The following RABGAP1 variants were observed in gnomAD, a reference collection of about 807,000 sequenced individuals.
RABGAP1 encodes the protein RAB GTPase activating protein 1, also known as rab GTPase-activating protein 1.
Under a neutral mutation model 137.6 loss-of-function variants are expected in RABGAP1, and 23 were observed. The observed-to-expected ratio is 0.17, with a 90% CI of 0.12 to 0.24. The LOEUF is 0.24. Among genes scored for constraint, RABGAP1 ranks in the 10% least tolerant of loss-of-function variants. The probability of loss-of-function intolerance (pLI) is 1.00; values close to 1 mark genes in which losing one functional copy is unlikely to be tolerated. For synonymous variants in RABGAP1, 451 were observed against 450.7 expected (o/e 1.00, Z -0.01); for missense variants, 906 against 1,275.8 (o/e 0.71, Z 4.42).
chr9:123,076,155 A>T, intron 17 of RABGAP1, 90 bp from the exon 18 acceptor site: 2 of 1,348,390 alleles, frequency 1.5e-6, no homozygotes, highest in Non-Finnish European at 2.1e-6. Flanking sequence ...AGTTTTCACA[A>T]TTTCTTTAAA....
rs1251959153 is a variant in RABGAP1, at chr9:122,989,487, A to T, written c.765+16A>T. The T allele has an allele frequency of 6.2e-7, 1 of 1,612,506 alleles. No individual in the cohort carries two copies. Among genetic ancestry groups the T allele is most frequent in the Non-Finnish European group, 8.5e-7 (1 of 1,179,294 alleles). ...ACAAGAAGCTGTAAGTCCTCAAGAG[A>T]AAACTCTCTGCAAATGAAACTTCAC... On this transcript the variant is annotated intron_variant, in intron 5 of 25. Transcript: ENST00000373647.
chr9:122,972,423 T>C (rs1264429217), intron 2 of RABGAP1, among the ~76,000 whole-genome samples: 1 of 152,168 alleles, frequency 6.6e-6, no homozygotes, highest in Admixed American at 6.5e-5. Flanking sequence ...GGGACTGGAC[T>C]TGAGTAGGAT....
intron 14 of RABGAP1, 61 bp downstream of exon 14, chr9:123,065,522 C>T: frequency 8.5e-7 from 1 of 1,179,178 alleles, no homozygotes; most frequent in Non-Finnish European, 1.3e-6. Flanking sequence ...TTTGAAATTA[C>T]ATAAGAAACA....
intron 19 of RABGAP1, among the ~76,000 whole-genome samples, chr9:123,080,465 A>G (rs2034672029): frequency 6.6e-6 from 1 of 152,224 alleles, no homozygotes; most frequent in East Asian, 1.9e-4. Flanking sequence ...TGGTATGTAC[A>G]GTTTAGTTAG....
At chr9:122,974,495 A>G (rs528646035) in intron 2 of RABGAP1, among the ~76,000 whole-genome samples, 1 of 149,790 alleles carries the variant, frequency 6.7e-6, no homozygotes, top group South Asian at 2.1e-4. Context: ...AGAAGTAACT[A>G]AAACCCAGCC....
At chr9:122,961,729 G>A (rs556060160) in intron 2 of RABGAP1, among the ~76,000 whole-genome samples, 2 of 152,232 alleles carry the variant, frequency 1.3e-5, no homozygotes, top group Admixed American at 1.3e-4. Context: ...AACTGTTTAA[G>A]CTGTATCCCA....
intron 11 of RABGAP1, 78 bp downstream of exon 11, chr9:123,010,606 A>G: frequency 7.5e-7 from 1 of 1,329,830 alleles, no homozygotes; most frequent in Non-Finnish European, 1.0e-6. Flanking sequence ...CAGGGGATTG[A>G]TAATGTGATA....
At chr9:122,948,042 A>AAACAC (rs1444013217) in intron 1 of RABGAP1, among the ~76,000 whole-genome samples, 5 of 145,958 alleles carry the variant, frequency 3.4e-5, no homozygotes, top group African/African-American at 1.3e-4. Flanking sequence ...GAGCCAGGAA[A>AAACAC]ACACACACAC....
rs1363428357 is a variant in RABGAP1, at chr9:123,073,778, G to A, written c.2109+101G>A. On this transcript the variant is annotated intron_variant, in intron 16 of 25. Transcript: ENST00000373647. ...AGGGAGCATTGGTAATTGCCTTAGC[G>A]ATCCGTGGCTAAGGATGGGTTTCAT... The A allele has an allele frequency of 1.2e-5, 17 of 1,452,084 alleles. No individual in the cohort carries two copies. In the Admixed American group the frequency reaches 2.1e-4, roughly 18 times the overall value. The allele number at this position is 1,452,084 out of a possible 1,614,324, so 89.9% of individuals were successfully genotyped here.
chr9:122,985,611 C>CAAA lies in RABGAP1; in HGVS notation c.386-585_386-583dup, dbSNP rs34147826. Among the ~76,000 whole-genome samples the CAAA allele has an allele frequency of 4.5e-3, 401 of 89,616 alleles. 11 individuals carry two copies. The East Asian group carries it at 0.061, about 14-fold the overall frequency. 58.8% of individuals were successfully genotyped at this position (89,616 alleles called of 152,430 possible). On this transcript the variant is annotated intron_variant, in intron 3 of 25. Transcript: ENST00000373647. ...CTGGCGACAGAGCGAGACTCCGTCT[C>CAAA]AAAAAAAAAAAAAAAAAAAAAGATG...
At position 122,986,991 on chromosome 9, in the gene RABGAP1, G is replaced by A. The variant is rs866024461; in HGVS notation, c.590+572G>A. 1.1e-4 allele frequency among the ~76,000 whole-genome samples: 17 copies of A among 152,092 alleles called. No individual in the cohort carries two copies. The Middle Eastern group carries it at 0.01, about 91-fold the overall frequency. The stretch of plus-strand genomic sequence containing the variant: ...GTCTGTACAAAACATACAAAAATTA[G>A]CCACGCATGGTCATACACACCTATA... On this transcript the variant is annotated intron_variant, in intron 4 of 25. Transcript: ENST00000373647.
At chr9:123,006,539 G>T (rs1006211638) in intron 10 of RABGAP1, among the ~76,000 whole-genome samples, 1 of 152,046 alleles carries the variant, frequency 6.6e-6, no homozygotes, top group Admixed American at 6.6e-5. Context: ...CCTCTTTCTG[G>T]TATTTATATT....
At chr9:122,960,281 A>G (rs1834781652) in intron 2 of RABGAP1, among the ~76,000 whole-genome samples, 1 of 152,202 alleles carries the variant, frequency 6.6e-6, no homozygotes, top group Admixed American at 6.5e-5. Flanking sequence ...TAGACTATGG[A>G]ACAGTTTATA....
intron 19 of RABGAP1, among the ~76,000 whole-genome samples, chr9:123,086,329 C>G (rs190428585): frequency 6.6e-6 from 1 of 152,328 alleles, no homozygotes; most frequent in African/African-American, 2.4e-5. Flanking sequence ...AGAGTCCTTT[C>G]TCAGTAATTC....
At chr9:123,027,108 C>CT (rs71388345) in intron 13 of RABGAP1, among the ~76,000 whole-genome samples, 1,308 of 100,050 alleles carry the variant, frequency 0.013, 31 homozygotes, top group African/African-American at 0.037. Context: ...TCTTTCTTTT[C>CT]TTTTTTTTTT....
At chr9:123,000,779 G>T (rs1338887611) in intron 10 of RABGAP1, among the ~76,000 whole-genome samples, 2 of 151,916 alleles carry the variant, frequency 1.3e-5, no homozygotes, top group Non-Finnish European at 2.9e-5. Flanking sequence ...CTCCCAAAGT[G>T]CTGGGATTAT....
chr9:122,999,752 C>T (rs1216667628), intron 10 of RABGAP1, among the ~76,000 whole-genome samples: 1 of 150,814 alleles, frequency 6.6e-6, no homozygotes, highest in African/African-American at 2.4e-5. Flanking sequence ...GAAATCTGGC[C>T]CATTATTTCT....
intron 19 of RABGAP1, among the ~76,000 whole-genome samples, chr9:123,085,910 A>G (rs978981208): frequency 6.6e-6 from 1 of 152,142 alleles, no homozygotes; most frequent in African/African-American, 2.4e-5. Context: ...TATTAAGGTA[A>G]AAAGGAAGCC....
intron 21 of RABGAP1, 85 bp from the exon 22 acceptor site, chr9:123,097,656 T>C (rs2035223264): frequency 1.7e-6 from 2 of 1,154,988 alleles, no homozygotes; most frequent in Non-Finnish European, 2.5e-6. Flanking sequence ...TTCCCCATCA[T>C]CTTAAAATGG....
Sources: allele counts gnomAD v4.1 joint callset (sites outside exome capture counted in the v4.1 genomes callset), GRCh38; gene constraint gnomAD v4.1.1; transcripts MANE v1.5; gene names NCBI Gene and HGNC (gene_info 2026-07-23, HGNC 2026-07-21).